KCNIP4: variants seen among roughly 807,000 people sequenced by gnomAD.
The protein encoded by KCNIP4 is potassium voltage-gated channel interacting protein 4, also known as Kv channel-interacting protein 4.
In KCNIP4, 12 loss-of-function variants were observed where a neutral mutation model predicts 34.0. That is an observed-to-expected ratio of 0.35 (90% CI 0.23 to 0.57). The LOEUF is 0.57. Among genes scored for constraint, KCNIP4 ranks in the 20% least tolerant of loss-of-function variants. The probability of loss-of-function intolerance (pLI) is 0.83; values close to 1 mark genes in which losing one functional copy is unlikely to be tolerated. For missense variants in KCNIP4, 238 were observed against 311.7 expected (o/e 0.76, Z 1.78); for synonymous variants, 124 against 102.2 (o/e 1.21, Z -1.29).
At chr4:21,852,588 C>T (rs1215705745) in intron 1 of KCNIP4, 1 of 152,136 alleles carries the variant, frequency 6.6e-6, no homozygotes, top group African/African-American at 2.4e-5. Flanking sequence ...CTTAAATGTT[C>T]CCTAATTAGA....
chr4:20,963,290 G>A (rs757019030), intron 1 of KCNIP4, among the ~76,000 whole-genome samples: 1 of 151,106 alleles, frequency 6.6e-6, no homozygotes, highest in Admixed American at 6.6e-5. Flanking sequence ...TTGCACCACT[G>A]CACTCCAGCC....
chr4:20,956,782 A>G (rs1196170303), intron 1 of KCNIP4, among the ~76,000 whole-genome samples: 1 of 152,210 alleles, frequency 6.6e-6, no homozygotes, highest in Admixed American at 6.5e-5. Flanking sequence ...CAAAAAACCA[A>G]TGGCCGCTAT....
At chr4:21,574,024 A>G (rs1292476427) in intron 1 of KCNIP4, among the ~76,000 whole-genome samples, 1 of 152,136 alleles carries the variant, frequency 6.6e-6, no homozygotes, top group African/African-American at 2.4e-5. Context: ...TTTGGGAGAT[A>G]ATAGTGGAGC....
At chr4:20,937,646 C>T (rs1731216768) in intron 1 of KCNIP4, among the ~76,000 whole-genome samples, 1 of 152,114 alleles carries the variant, frequency 6.6e-6, no homozygotes, top group South Asian at 2.1e-4. Flanking sequence ...AACTGTTTCT[C>T]ATCACATAAG....
chr4:20,828,291 G>T (rs1418798186), intron 3 of KCNIP4, among the ~76,000 whole-genome samples: 1 of 152,168 alleles, frequency 6.6e-6, no homozygotes, highest in Non-Finnish European at 1.5e-5. Context: ...GCTGGGTGTG[G>T]CAGTGTGTGC....
At chr4:21,156,291 G>A (rs1753141532) in intron 1 of KCNIP4, among the ~76,000 whole-genome samples, 1 of 152,132 alleles carries the variant, frequency 6.6e-6, no homozygotes, top group Non-Finnish European at 1.5e-5. Flanking sequence ...CCATTTTGGT[G>A]AATGCTCATG....
At chr4:21,676,734 A>G (rs983967064) in intron 1 of KCNIP4, among the ~76,000 whole-genome samples, 4 of 152,166 alleles carry the variant, frequency 2.6e-5, no homozygotes, top group Non-Finnish European at 5.9e-5. Flanking sequence ...CTTACTTATC[A>G]TAGCTTGTAT....
chr4:21,910,199 G>A (rs1728226973), intron 1 of KCNIP4, among the ~76,000 whole-genome samples: 1 of 152,056 alleles, frequency 6.6e-6, no homozygotes, highest in South Asian at 2.1e-4. Flanking sequence ...GATGAGGTCA[G>A]GTAATATCCA....
chr4:21,034,018 T>C (rs1323597441), intron 1 of KCNIP4, among the ~76,000 whole-genome samples: 1 of 152,190 alleles, frequency 6.6e-6, no homozygotes, highest in African/African-American at 2.4e-5. Context: ...ATGATAAATA[T>C]AATTCTATTT....
chr4:20,912,898 T>A (rs1342715177), intron 1 of KCNIP4, among the ~76,000 whole-genome samples: 1 of 152,174 alleles, frequency 6.6e-6, no homozygotes, highest in Non-Finnish European at 1.5e-5. Context: ...GGTAAAGATG[T>A]GAAGATATTA....
chr4:21,507,160 C>A (rs1733913393), intron 1 of KCNIP4, among the ~76,000 whole-genome samples: 1 of 151,976 alleles, frequency 6.6e-6, no homozygotes, highest in East Asian at 1.9e-4. Context: ...TTTAAACATG[C>A]AATCAATATA....
chr4:21,088,957 T>C (rs865937221), intron 1 of KCNIP4, among the ~76,000 whole-genome samples: 54 of 152,216 alleles, frequency 3.5e-4, no homozygotes, highest in African/African-American at 1.2e-3. Context: ...AAAAAACTTT[T>C]GTGAAATGAA....
At chr4:20,844,021 C>T (rs1461545190) in intron 3 of KCNIP4, among the ~76,000 whole-genome samples, 1 of 152,150 alleles carries the variant, frequency 6.6e-6, no homozygotes, top group African/African-American at 2.4e-5. Flanking sequence ...GCTCTGATAT[C>T]TTTTGACAGC....
chr4:21,181,311 T>C (rs952698048), intron 1 of KCNIP4, among the ~76,000 whole-genome samples: 14 of 152,044 alleles, frequency 9.2e-5, no homozygotes, highest in Non-Finnish European at 1.3e-4. Flanking sequence ...GCTCCAAACA[T>C]GGAAACTGGG....
At chr4:20,883,053 G>A (rs1306232913) in intron 1 of KCNIP4, among the ~76,000 whole-genome samples, 2 of 133,640 alleles carry the variant, frequency 1.5e-5, no homozygotes, top group African/African-American at 5.7e-5. Flanking sequence ...GATAAAACAA[G>A]TATCACTAGA....
At chr4:21,883,373 C>A (rs560359133) in intron 1 of KCNIP4, among the ~76,000 whole-genome samples, 1 of 152,034 alleles carries the variant, frequency 6.6e-6, no homozygotes, top group East Asian at 1.9e-4. Context: ...AGTCTCAAAC[C>A]CTTGGCTTCA....
At chr4:21,472,322 T>C (rs1730539896) in intron 1 of KCNIP4, among the ~76,000 whole-genome samples, 1 of 151,388 alleles carries the variant, frequency 6.6e-6, no homozygotes, top group Non-Finnish European at 1.5e-5. Context: ...GTAGAGCAAA[T>C]AGGGGGATAG....
At chr4:21,269,943 G>T (rs887226491) in intron 1 of KCNIP4, among the ~76,000 whole-genome samples, 2 of 152,136 alleles carry the variant, frequency 1.3e-5, no homozygotes, top group African/African-American at 4.8e-5. Context: ...TTTGGCGAAA[G>T]ATCCTAAACT....
intron 1 of KCNIP4, among the ~76,000 whole-genome samples, chr4:21,732,685 G>T (rs200661268): frequency 1.3e-5 from 2 of 151,704 alleles, no homozygotes; most frequent in Admixed American, 6.6e-5. Flanking sequence ...GGGGTATTCG[G>T]TCTTGCCTCA....
Sources: gnomAD v4.1 joint callset for allele counts (sites outside exome capture counted in the v4.1 genomes callset) on GRCh38, gnomAD v4.1.1 for gene constraint, MANE v1.5 for transcripts, NCBI Gene and HGNC (gene_info 2026-07-23, HGNC 2026-07-21) for gene names.